SLC44A2: variants seen among roughly 807,000 people sequenced by gnomAD.
SLC44A2 encodes the protein solute carrier family 44 member 2 (CTL2 blood group).
A neutral mutation model predicts 90.8 loss-of-function variants in SLC44A2; 57 were observed. The observed-to-expected ratio is 0.63, with a 90% CI of 0.51 to 0.78. The LOEUF (loss-of-function observed/expected upper bound fraction) is 0.78, where lower values mean the gene tolerates loss of function less well. Among genes scored for constraint, SLC44A2 ranks in the 30% least tolerant of loss-of-function variants. The probability of loss-of-function intolerance (pLI) is 0.00; values close to 1 mark genes in which losing one functional copy is unlikely to be tolerated. For synonymous variants in SLC44A2, 355 were observed against 360.7 expected (o/e 0.98, Z 0.18); for missense variants, 794 against 919.7 (o/e 0.86, Z 1.77).
intron 10 of SLC44A2, among the ~76,000 whole-genome samples, chr19:10,632,828 A>G (rs2067012198): frequency 1.3e-5 from 2 of 151,638 alleles, no homozygotes; most frequent in African/African-American, 2.4e-5. Context: ...ATGCACCTCC[A>G]TGCCCGGCTG....
At chr19:10,624,039 C>G (rs1419631163), upstream of SLC44A2, among the ~76,000 whole-genome samples, 4 of 151,584 alleles carry the variant, frequency 2.6e-5, no homozygotes, top group Non-Finnish European at 5.9e-5. Flanking sequence ...GCTCTGTCAC[C>G]CAGGCTGGAG....
chr19:10,634,379 G>A (rs557774242), intron 10 of SLC44A2, among the ~76,000 whole-genome samples: 2 of 151,174 alleles, frequency 1.3e-5, no homozygotes, highest in East Asian at 4.0e-4. Context: ...CAGGAGAATC[G>A]CTTGAACCCG....
rs184087650 is a variant in SLC44A2 at position 10,614,708 on chromosome 19, C to T, written c.32-11545C>T. 2.0e-5 allele frequency among the ~76,000 whole-genome samples: 3 copies of T among 152,196 alleles called. No homozygotes were observed. In the South Asian group the frequency reaches 6.2e-4, roughly 32 times the overall value. The stretch of plus-strand genomic sequence containing the variant: ...AAATGTGGCTGGGCGCGGTGGCTCA[C>T]GCCGATAATCCCAGCACTTTGGGAG... On this transcript the variant is annotated intron_variant, in intron 1 of 21. Coordinates refer to the SLC44A2 transcript ENST00000407327.
rs2066988901 is a variant in SLC44A2, at chr19:10,631,078, T to A, written c.267T>A (p.Tyr89Ter). ...CCAGGAACAAACCCTATCTGTTTTA[T>A]TTCAACATTGTGAAATGTGCCAGCC... ...TKNENKPYLF[Y>*]FNIVKCASPL... Residue 89 changes from tyrosine to a stop codon, truncating the protein, a stop_gained, in exon 5 of 22, where the codon TAT (tyrosine) becomes TAA (stop). Transcript: ENST00000335757. LOFTEE classifies it high-confidence loss of function. 1 of 1,613,922 alleles carries A rather than the reference T, an allele frequency of 6.2e-7. No individual in the cohort carries two copies. The highest frequency in any genetic ancestry group is 8.5e-7 in the Non-Finnish European group (1 of 1,179,988).
intron 13 of SLC44A2, 84 bp downstream of exon 13, chr19:10,635,339 A>G: frequency 2.5e-6 from 4 of 1,604,482 alleles, no homozygotes; most frequent in Non-Finnish European, 3.4e-6. Flanking sequence ...GCTTAGGGAT[A>G]GGGCTGGAAA....
At chr19:10,602,556 C>G (rs980998438) in exon 1 of SLC44A2, 2 of 1,276,810 alleles carry the variant, frequency 1.6e-6, no homozygotes, top group African/African-American at 3.1e-5. Flanking sequence ...AAAAACGGAG[C>G]CTACGGTAGG....
At chr19:10,604,791 T>C (rs930697046) in intron 1 of SLC44A2, among the ~76,000 whole-genome samples, 4 of 152,124 alleles carry the variant, frequency 2.6e-5, no homozygotes, top group Non-Finnish European at 5.9e-5. Flanking sequence ...ACTGGGGACA[T>C]GGCTTTCCCG....
intron 4 of SLC44A2, among the ~76,000 whole-genome samples, chr19:10,630,228 G>A (rs2066979202): frequency 6.6e-6 from 1 of 152,076 alleles, no homozygotes; most frequent in East Asian, 1.9e-4. Context: ...GCGCACACCC[G>A]TAGTCTCAGC....
rs757261250 is a variant in SLC44A2 at position 10,636,486 on chromosome 19, T to G, written c.1397T>G (p.Val466Gly). 1.1e-5 allele frequency: 17 copies of G among 1,613,206 alleles called. No individual in the cohort carries two copies. In the African/African-American group the frequency reaches 2.3e-4, roughly 22 times the overall value. ...LANFVLALGQ[V>G]TLAGAFASYY... ...AACTTCGTGCTGGCGCTGGGCCAGG[T>G]CACGCTGGCCGGGGCCTTTGCCTCC... Residue 466 changes from valine to glycine, a missense_variant, in exon 15 of 22, where the codon GTC becomes GGC. Physicochemically the swap from Val to Gly is moderately radical, Grantham distance 109 (BLOSUM62 -3). Transcript: ENST00000335757.
At chr19:10,636,865 T>C (rs1051269078) in intron 16 of SLC44A2, 109 bp downstream of exon 16, 2 of 1,142,690 alleles carry the variant, frequency 1.8e-6, no homozygotes, top group Non-Finnish European at 2.5e-6. Context: ...AATAGAGCAG[T>C]GATGGGTTTC....
At chr19:10,634,464 CAA>C (rs57865437) in intron 10 of SLC44A2, among the ~76,000 whole-genome samples, 14 of 101,064 alleles carry the variant, frequency 1.4e-4, no homozygotes, top group Admixed American at 2.1e-4. Flanking sequence ...AACTCCGTCT[CAA>C]AAAAAAAAAA....
chr19:10,614,835 G>A (rs919121672), intron 1 of SLC44A2, among the ~76,000 whole-genome samples: 10 of 151,794 alleles, frequency 6.6e-5, no homozygotes, highest in Non-Finnish European at 1.5e-4. Context: ...GCCGGACATG[G>A]TGGTGCGTGC....
chr19:10,625,315 G>A (rs2066920891), upstream of SLC44A2: 2 of 425,102 alleles, frequency 4.7e-6, no homozygotes, highest in Non-Finnish European at 7.3e-6. Context: ...GGTGGCCAGG[G>A]GTTCTAGGCG....
chr19:10,606,990 C>A (rs1031401507), intron 1 of SLC44A2, among the ~76,000 whole-genome samples: 3 of 148,776 alleles, frequency 2.0e-5, no homozygotes, highest in African/African-American at 4.9e-5. Context: ...CGGCTCACTG[C>A]AAGCTCCGCC....
intron 1 of SLC44A2, among the ~76,000 whole-genome samples, chr19:10,612,490 C>G (rs1467574380): frequency 2.6e-5 from 4 of 152,206 alleles, no homozygotes; most frequent in African/African-American, 9.7e-5. Context: ...TCTGAGCCTC[C>G]CCACCCAGAT....
At chr19:10,625,133 CA>C (rs1005576736), upstream of SLC44A2, 200 of 142,392 alleles carry the variant, frequency 1.4e-3, no homozygotes, top group Middle Eastern at 3.6e-3. Context: ...GATCCTGTCT[CA>C]AAAAAAAAAA....
At chr19:10,618,673 G>T (rs1247519134) in intron 1 of SLC44A2, among the ~76,000 whole-genome samples, 1 of 151,840 alleles carries the variant, frequency 6.6e-6, no homozygotes, top group Non-Finnish European at 1.5e-5. Context: ...TAGAGACGGG[G>T]TTTCACCGTG....
chr19:10,636,936 A>C, intron 16 of SLC44A2, 180 bp downstream of exon 16: 2 of 615,120 alleles, frequency 3.3e-6, no homozygotes, highest in Non-Finnish European at 5.5e-6. Flanking sequence ...GGAGGAGCAA[A>C]CCAGAGAACC....
At chr19:10,614,956 A>C (rs1252017601) in intron 1 of SLC44A2, among the ~76,000 whole-genome samples, 4 of 144,584 alleles carry the variant, frequency 2.8e-5, no homozygotes, top group Non-Finnish European at 6.1e-5. Flanking sequence ...GGGTGACAGA[A>C]TGAGACTCCG....
Sources: gnomAD v4.1 joint callset for allele counts (sites outside exome capture counted in the v4.1 genomes callset) on GRCh38, gnomAD v4.1.1 for gene constraint, MANE v1.5 for transcripts, NCBI Gene and HGNC (gene_info 2026-07-23, HGNC 2026-07-21) for gene names.